Variants in CBLB observed in about 807,000 individuals in gnomAD.
CBLB encodes E3 ubiquitin-protein ligase CBL-B.
CBLB carries 31 observed loss-of-function variants against 104.9 expected under a neutral mutation model. The observed-to-expected ratio is 0.30, with a 90% confidence interval of 0.22 to 0.40. The LOEUF is 0.40. Among genes scored for constraint, CBLB ranks in the 10% least tolerant of loss-of-function variants. CBLB has a pLI of 1.00. For missense variants in CBLB, 1,062 were observed against 1,214.6 expected, an observed-to-expected ratio of 0.87 and a Z score of 1.87; for synonymous variants, 440 against 422.6, an observed-to-expected ratio of 1.04 and a Z score of -0.51.
At chr3:105,838,537 G>T (rs2088982507) in intron 3 of CBLB, among the ~76,000 whole-genome samples, 1 of 151,960 alleles carries the variant, frequency 6.6e-6, no homozygotes, top group African/African-American at 2.4e-5. Context: ...GAAAGGGGCA[G>T]GATAAAAGGC....
chr3:105,853,699 T>C (rs773881042), intron 2 of CBLB, 35 bp from the exon 3 acceptor site: 2 of 1,441,920 alleles, frequency 1.4e-6, no homozygotes, highest in East Asian at 2.4e-5. Flanking sequence ...TAAGTCATAA[T>C]ATTTTATTTC....
intron 3 of CBLB, among the ~76,000 whole-genome samples, chr3:105,791,260 T>A (rs993349115): frequency 6.6e-6 from 1 of 152,210 alleles, no homozygotes; most frequent in African/African-American, 2.4e-5. Context: ...TAGAAGCAGA[T>A]GTTCTACTTT....
chr3:105,796,905 T>C (rs1278892694), intron 3 of CBLB, among the ~76,000 whole-genome samples: 1 of 152,210 alleles, frequency 6.6e-6, no homozygotes, highest in Admixed American at 6.5e-5. Flanking sequence ...GAATGGCTAT[T>C]ATTGAAAAGT....
rs531111628 is a variant in CBLB at position 105,675,907 on chromosome 3, T to A, written c.2569+2524A>T. On this transcript the variant is annotated intron_variant, in intron 17 of 18. Transcript: ENST00000394030. ...CTCAAAAAAAAAAAAAAAAAAAAAG[T>A]CATAAAGGATCTGGTACCAGACTAG... is the stretch of plus-strand genomic sequence containing the variant. Among the ~76,000 whole-genome samples the A allele has an allele frequency of 3.0e-3, 262 of 86,782 alleles. 1 individual carries two copies. The highest frequency in any genetic ancestry group is 5.5e-3 in the Non-Finnish European group (215 of 38,790). 56.9% of individuals were successfully genotyped at this position (86,782 alleles called of 152,430 possible).
chr3:105,757,412 A>T (rs900639977), intron 4 of CBLB, among the ~76,000 whole-genome samples: 13 of 152,178 alleles, frequency 8.5e-5, no homozygotes, highest in African/African-American at 3.1e-4. Flanking sequence ...TTATGATGGC[A>T]TGTATCAGAA....
At chr3:105,767,022 C>A (rs1460005548) in intron 4 of CBLB, among the ~76,000 whole-genome samples, 1 of 152,062 alleles carries the variant, frequency 6.6e-6, no homozygotes, top group Non-Finnish European at 1.5e-5. Context: ...ATGAATTGAA[C>A]AAAATAGGCC....
intron 3 of CBLB, among the ~76,000 whole-genome samples, chr3:105,846,280 G>A (rs1323254294): frequency 1.3e-5 from 2 of 151,848 alleles, no homozygotes; most frequent in African/African-American, 2.4e-5. Flanking sequence ...AGGAGAAACA[G>A]AAAAACTAGG....
chr3:105,807,453 A>G (rs1406298118), intron 3 of CBLB, among the ~76,000 whole-genome samples: 1 of 152,190 alleles, frequency 6.6e-6, no homozygotes, highest in Non-Finnish European at 1.5e-5. Flanking sequence ...CTTGAAAAGA[A>G]TCCTGAGAAT....
intron 10 of CBLB, among the ~76,000 whole-genome samples, chr3:105,706,694 G>GA (rs1559899028): frequency 6.6e-6 from 1 of 151,974 alleles, no homozygotes; most frequent in Non-Finnish European, 1.5e-5. Flanking sequence ...GCTATTACCT[G>GA]AAAAAAATGC....
At chr3:105,754,519 GAGAC>G (rs1217864570) in intron 4 of CBLB, among the ~76,000 whole-genome samples, 6,752 of 99,020 alleles carry the variant, frequency 0.068, 222 homozygotes, top group East Asian at 0.22. Flanking sequence ...GAGAGAGAGA[GAGAC>G]AGAGAGAGAG....
At chr3:105,704,234 T>C in intron 10 of CBLB, 61 bp from the exon 11 acceptor site, 3 of 1,492,872 alleles carry the variant, frequency 2.0e-6, no homozygotes, top group Non-Finnish European at 2.8e-6. Context: ...TTCTCTGTTC[T>C]TAAAGAATAT....
Position 105,772,390 on chromosome 3 carries a change from T to C in CBLB, c.566+4006A>G, listed in dbSNP as rs371366849. 9.2e-5 allele frequency among the ~76,000 whole-genome samples: 14 copies of C among 152,266 alleles called. No homozygotes were observed. The South Asian group carries it at 2.9e-3, about 32-fold the overall frequency. Reference sequence around the variant, plus strand: ...ATCAACTCAAGATGGATCAAAGACTTAAATCTAAGACCTGAAACCATGAAA... The same window carrying C: ...ATCAACTCAAGATGGATCAAAGACTCAAATCTAAGACCTGAAACCATGAAA... On this transcript the variant is annotated intron_variant, in intron 4 of 18. Transcript: ENST00000394030.
At chr3:105,817,758 C>G (rs1285892042) in intron 3 of CBLB, among the ~76,000 whole-genome samples, 2 of 152,002 alleles carry the variant, frequency 1.3e-5, no homozygotes, top group Non-Finnish European at 2.9e-5. Context: ...TAAAGGCAAG[C>G]AGAAAAGTGA....
intron 2 of CBLB, among the ~76,000 whole-genome samples, chr3:105,858,610 T>C (rs2091829925): frequency 1.3e-5 from 2 of 152,220 alleles, no homozygotes; most frequent in Non-Finnish European, 2.9e-5. Context: ...ATTGGTTCAA[T>C]AGCAATATTG....
intron 5 of CBLB, among the ~76,000 whole-genome samples, chr3:105,747,583 G>GA (rs1203416427): frequency 6.6e-6 from 1 of 151,542 alleles, no homozygotes; most frequent in Non-Finnish European, 1.5e-5. Context: ...ATGAGAGGTT[G>GA]AAAAAAATGC....
At chr3:105,865,822 T>C (rs1245760886) in intron 2 of CBLB, among the ~76,000 whole-genome samples, 1 of 152,180 alleles carries the variant, frequency 6.6e-6, no homozygotes, top group Non-Finnish European at 1.5e-5. Flanking sequence ...AACCATTTGC[T>C]GTCCACTTAC....
At chr3:105,721,433 TC>T (rs2072803712) in intron 9 of CBLB, among the ~76,000 whole-genome samples, 1 of 152,212 alleles carries the variant, frequency 6.6e-6, no homozygotes, top group Non-Finnish European at 1.5e-5. Flanking sequence ...GTTTATTCTT[TC>T]TAAGTCTCAG....
chr3:105,706,103 C>T (rs2070096425), intron 10 of CBLB, among the ~76,000 whole-genome samples: 1 of 151,996 alleles, frequency 6.6e-6, no homozygotes, highest in Non-Finnish European at 1.5e-5. Context: ...AATCGTACCA[C>T]TGCACTCCAG....
intron 2 of CBLB, among the ~76,000 whole-genome samples, chr3:105,862,053 T>G (rs937522752): frequency 6.6e-6 from 1 of 152,172 alleles, no homozygotes; most frequent in African/African-American, 2.4e-5. Context: ...CACTAATCTA[T>G]GTAGGATTCT....
Sources: allele counts gnomAD v4.1 joint callset (sites outside exome capture counted in the v4.1 genomes callset), GRCh38; gene constraint gnomAD v4.1.1; transcripts MANE v1.5; gene names NCBI Gene and HGNC (gene_info 2026-07-23, HGNC 2026-07-21).